Variants in FGGY observed in about 807,000 individuals in gnomAD.
FGGY encodes FGGY carbohydrate kinase domain-containing protein.
Under a neutral mutation model 71.3 loss-of-function variants are expected in FGGY, and 72 were observed. The ratio of observed to expected loss-of-function variants is 1.01; its 90% CI spans 0.84 to 1.23. The LOEUF is 1.23. Ranked by LOEUF, FGGY falls within the 50% of genes most tolerant of loss-of-function variation. The pLI, the probability that FGGY is intolerant of heterozygous loss-of-function variation, is 0.00. For synonymous variants in FGGY, 251 were observed against 250.3 expected, an observed-to-expected ratio of 1.00 and a Z score of -0.02; for missense variants, 668 against 682.3, an observed-to-expected ratio of 0.98 and a Z score of 0.23.
At chr1:59,567,567 A>G (rs1344135390) in intron 8 of FGGY, among the ~76,000 whole-genome samples, 1 of 152,044 alleles carries the variant, frequency 6.6e-6, no homozygotes, top group Admixed American at 6.6e-5. Context: ...ATCTGTTTGC[A>G]TGATAAAATT....
chr1:59,699,121 C>G, intron 14 of FGGY: 1 of 985,388 alleles, frequency 1.0e-6, no homozygotes. Context: ...TCAAACCAAT[C>G]TTGATTATAA....
intron 5 of FGGY, among the ~76,000 whole-genome samples, chr1:59,421,615 C>T (rs2065452098): frequency 6.6e-6 from 1 of 150,976 alleles, no homozygotes; most frequent in African/African-American, 2.4e-5. Flanking sequence ...CCCTTCTGTT[C>T]TCTTTTTCTG....
intron 14 of FGGY, chr1:59,680,698 C>T (rs2097489052): frequency 6.6e-6 from 1 of 152,106 alleles, no homozygotes; most frequent in Non-Finnish European, 1.5e-5. Context: ...AGAACAGGAC[C>T]TGTTACTTTC....
chr1:59,578,910 G>A, intron 8 of FGGY, among the ~76,000 whole-genome samples: 1 of 152,022 alleles, frequency 6.6e-6, no homozygotes, highest in East Asian at 1.9e-4. Context: ...GGGAGAGCGA[G>A]GTAGAAGAAA....
chr1:59,695,094 A>G (rs1390042725), intron 14 of FGGY, among the ~76,000 whole-genome samples: 1 of 152,206 alleles, frequency 6.6e-6, no homozygotes, highest in African/African-American at 2.4e-5. Flanking sequence ...CCTTCCATCA[A>G]TTCATGTATC....
intron 14 of FGGY, among the ~76,000 whole-genome samples, chr1:59,706,268 C>G (rs2097757070): frequency 6.6e-6 from 1 of 152,178 alleles, no homozygotes; most frequent in Admixed American, 6.5e-5. Context: ...CCTCTTGAGC[C>G]AGACTTCCTG....
At chr1:59,353,209 T>C (rs2053631027) in intron 4 of FGGY, among the ~76,000 whole-genome samples, 1 of 152,218 alleles carries the variant, frequency 6.6e-6, no homozygotes, top group South Asian at 2.1e-4. Flanking sequence ...TGTAGAGTTA[T>C]GAGTTAGTGA....
At position 59,638,293 on chromosome 1, in the gene FGGY, G is replaced by C. The variant is rs114043049; in HGVS notation, c.1139G>C (p.Gly380Ala). Residue 380 changes from glycine to alanine, a missense_variant, in exon 11 of 16, where the codon GGT becomes GCT. Coordinates refer to ENST00000303721, the MANE Select transcript of FGGY (RefSeq NM_018291.5). ...LDLIKKAQPV[G>A]FLTVDLHVWP... Reference sequence around the variant, plus strand: ...CTGATTAAGAAGGCTCAGCCTGTGGGTTTCCTTACTGTTGATTTACATGTT... The same window carrying C: ...CTGATTAAGAAGGCTCAGCCTGTGGCTTTCCTTACTGTTGATTTACATGTT... 6 of 1,614,180 alleles carry C rather than the reference G, an allele frequency of 3.7e-6. No homozygotes were observed. The Admixed American group carries it at 1.0e-4, about 27-fold the overall frequency.
chr1:59,695,031 C>T (rs1420582102), intron 14 of FGGY, among the ~76,000 whole-genome samples: 1 of 152,154 alleles, frequency 6.6e-6, no homozygotes, highest in Non-Finnish European at 1.5e-5. Context: ...ATAGCCAAGA[C>T]AATCAAGCCT....
intron 12 of FGGY, among the ~76,000 whole-genome samples, chr1:59,666,761 C>G (rs2097329794): frequency 6.6e-6 from 1 of 151,604 alleles, no homozygotes; most frequent in South Asian, 2.1e-4. Context: ...CACCCTGAAG[C>G]CTTGGATCTC....
chr1:59,579,691 T>C (rs373263103), intron 8 of FGGY, among the ~76,000 whole-genome samples: 6 of 152,172 alleles, frequency 3.9e-5, no homozygotes, highest in African/African-American at 1.4e-4. Flanking sequence ...GCTCCCTCTC[T>C]TGGTTTATTG....
chr1:59,456,091 G>T (rs970124290), intron 5 of FGGY, among the ~76,000 whole-genome samples: 1 of 152,088 alleles, frequency 6.6e-6, no homozygotes, highest in Non-Finnish European at 1.5e-5. Flanking sequence ...TTTTGAACAT[G>T]TAGCGAGAGT....
At chr1:59,507,645 G>A (rs1410982015) in intron 6 of FGGY, among the ~76,000 whole-genome samples, 1 of 149,942 alleles carries the variant, frequency 6.7e-6, no homozygotes. Flanking sequence ...AGCCTCCCAA[G>A]CAGCTGGGAT....
At chr1:59,497,858 G>A in intron 6 of FGGY, among the ~76,000 whole-genome samples, 1 of 152,154 alleles carries the variant, frequency 6.6e-6, no homozygotes, top group East Asian at 1.9e-4. Context: ...TCTTCGCGTT[G>A]TTTCAGAATA....
chr1:59,727,204 G>A (rs1044842105), intron 14 of FGGY, among the ~76,000 whole-genome samples: 3 of 152,108 alleles, frequency 2.0e-5, no homozygotes, highest in Admixed American at 2.0e-4. Flanking sequence ...CCTCCACGTT[G>A]TTGAAAAGGA....
intron 14 of FGGY, among the ~76,000 whole-genome samples, chr1:59,685,197 G>A (rs2097534766): frequency 6.6e-6 from 1 of 152,096 alleles, no homozygotes; most frequent in South Asian, 2.1e-4. Context: ...TCTCAAGGAT[G>A]TCCGGACCTC....
At chr1:59,558,680 G>A (rs2095733962) in intron 8 of FGGY, among the ~76,000 whole-genome samples, 1 of 152,122 alleles carries the variant, frequency 6.6e-6, no homozygotes, top group African/African-American at 2.4e-5. Context: ...AGAAAACAGG[G>A]TTCAAGAGCA....
chr1:59,590,332 G>A (rs2096405269), intron 8 of FGGY, among the ~76,000 whole-genome samples: 1 of 152,180 alleles, frequency 6.6e-6, no homozygotes, highest in South Asian at 2.1e-4. Flanking sequence ...GGACCAGATG[G>A]ATTTACAGCT....
chr1:59,474,105 C>A, intron 6 of FGGY: 1 of 152,306 alleles, frequency 6.6e-6, no homozygotes, highest in Non-Finnish European at 1.5e-5. Context: ...TCCTTAGATT[C>A]GCAGAAGGAC....
Sources: allele counts gnomAD v4.1 joint callset (sites outside exome capture counted in the v4.1 genomes callset), GRCh38; gene constraint gnomAD v4.1.1; transcripts MANE v1.5; gene names NCBI Gene and HGNC (gene_info 2026-07-23, HGNC 2026-07-21).